Variants in VWA8 observed in about 807,000 individuals in gnomAD.
VWA8 encodes von Willebrand factor A domain containing 8, also known as von Willebrand factor A domain-containing protein 8.
A neutral mutation model predicts 241.5 loss-of-function variants in VWA8; 221 were observed. That is an observed-to-expected ratio of 0.91 (90% CI 0.82 to 1.02). VWA8 has a LOEUF of 1.02. Ranked by LOEUF, VWA8 falls within the 50% of genes least tolerant of loss-of-function variation. The probability of loss-of-function intolerance (pLI) is 0.00; values close to 1 mark genes in which losing one functional copy is unlikely to be tolerated. For missense variants in VWA8, 2,322 were observed against 2,328.7 expected (o/e 1.00, Z 0.06); for synonymous variants, 852 against 827.1 (o/e 1.03, Z -0.52).
chr13:41,613,943 GGA>G (rs2044605485), intron 38 of VWA8, among the ~76,000 whole-genome samples: 1 of 152,172 alleles, frequency 6.6e-6, no homozygotes, highest in Non-Finnish European at 1.5e-5. Flanking sequence ...GCCTCAATCT[GGA>G]CAGATACGTG....
intron 25 of VWA8, 26 bp downstream of exon 25, chr13:41,721,344 T>C (rs371563217): frequency 1.2e-6 from 2 of 1,608,888 alleles, no homozygotes; most frequent in South Asian, 2.2e-5. Context: ...TGATGGCTCT[T>C]AGGTACAGGT....
In VWA8 at chr13:41,784,729, T is replaced by TATATACAC. The variant is rs772522331; in HGVS notation, c.2171-829_2171-828insGTGTATAT. 4.7e-4 allele frequency among the ~76,000 whole-genome samples: 28 copies of TATATACAC among 60,098 alleles called. 2 individuals are homozygous for TATATACAC. Among genetic ancestry groups the TATATACAC allele is most frequent in the Non-Finnish European group, 9.0e-4 (25 of 27,668 alleles). 39.4% of individuals were successfully genotyped at this position (60,098 alleles called of 152,430 possible). On this transcript the variant is annotated intron_variant, in intron 18 of 44. Transcript: ENST00000379310. ...ATATATATATATATATATATATATA[T>TATATACAC]ACACACACATATATATATATATATA...
chr13:41,918,726 G>C (rs551094924), intron 2 of VWA8, among the ~76,000 whole-genome samples: 1 of 152,032 alleles, frequency 6.6e-6, no homozygotes, highest in African/African-American at 2.4e-5. Context: ...ACATACAAAA[G>C]TATGGTCTGC....
intron 2 of VWA8, among the ~76,000 whole-genome samples, chr13:41,933,040 AAGT>A (rs1877195329): frequency 1.3e-5 from 2 of 152,106 alleles, no homozygotes; most frequent in Admixed American, 6.5e-5. Flanking sequence ...GGAAAGGAAA[AAGT>A]AGAGCTGTCT....
chr13:41,662,912 C>T (rs899289953), intron 37 of VWA8, among the ~76,000 whole-genome samples: 1 of 151,832 alleles, frequency 6.6e-6, no homozygotes, highest in South Asian at 2.1e-4. Flanking sequence ...TCCTTCTATT[C>T]CTAGTTTCCT....
rs1297634814 is a variant in VWA8 at position 41,585,874 on chromosome 13, A to AAAAAAG, written c.5271+1632_5271+1637dup. Among the ~76,000 whole-genome samples the AAAAAAG allele has an allele frequency of 1.5e-4, 22 of 151,350 alleles. No homozygotes were observed. In the East Asian group the frequency reaches 2.7e-3, roughly 19 times the overall value. ...GTGAGACACCGTCTTAAAAAAAAAA[A>AAAAAAG]AAAAAGAAAAAGAAAAAGAAAAAAA... On this transcript the variant is annotated intron_variant, in intron 42 of 44. Transcript: ENST00000379310.
intron 29 of VWA8, among the ~76,000 whole-genome samples, chr13:41,698,550 C>T (rs1337354913): frequency 2.0e-5 from 3 of 152,150 alleles, no homozygotes; most frequent in African/African-American, 7.2e-5. Flanking sequence ...ACTGTATTCC[C>T]TTTGGTGTAT....
chr13:41,692,674 T>C (rs1007280510), intron 30 of VWA8, among the ~76,000 whole-genome samples, 188 bp downstream of exon 30: 2 of 152,146 alleles, frequency 1.3e-5, no homozygotes, highest in Non-Finnish European at 2.9e-5. Flanking sequence ...AAAGAATTTA[T>C]TGATATTTAA....
At chr13:41,900,730 A>G (rs2138097707) in intron 4 of VWA8, among the ~76,000 whole-genome samples, 1 of 152,322 alleles carries the variant, frequency 6.6e-6, no homozygotes. Context: ...TAAAATATAA[A>G]CTATTATTAA....
chr13:41,894,427 T>G (rs920338428), intron 4 of VWA8, among the ~76,000 whole-genome samples: 1 of 152,242 alleles, frequency 6.6e-6, no homozygotes, highest in Non-Finnish European at 1.5e-5. Context: ...AATGATCTCT[T>G]GAAAATCTGG....
At chr13:41,759,604 A>G (rs1248138760) in intron 21 of VWA8, among the ~76,000 whole-genome samples, 4 of 151,604 alleles carry the variant, frequency 2.6e-5, no homozygotes, top group African/African-American at 9.7e-5. Context: ...AGAATTTCCA[A>G]TTATTCCGTC....
Position 41,719,756 on chromosome 13 carries a change from A to G in VWA8, c.2965-14T>C, listed in dbSNP as rs1206773295. 1 of 1,603,260 alleles carries G rather than the reference A, an allele frequency of 6.2e-7. No individual in the cohort carries two copies. Among genetic ancestry groups the G allele is most frequent in the Non-Finnish European group, 8.5e-7 (1 of 1,174,796 alleles). ...AGTCGGAAATTTCTGTATTAAAAAA[A>G]AATTCCCTTATTATGCATGTGATAA... On this transcript the variant is annotated splice_polypyrimidine_tract_variant and intron_variant, in intron 25 of 44. Coordinates refer to ENST00000379310, the MANE Select transcript of VWA8 (RefSeq NM_015058.2).
At chr13:41,912,194 G>C (rs576809538) in intron 2 of VWA8, 26 bp from the exon 3 acceptor site, 17 of 1,558,196 alleles carry the variant, frequency 1.1e-5, no homozygotes, top group Middle Eastern at 1.7e-4. Flanking sequence ...AGAAAATGAA[G>C]TGCAAATTTA....
At chr13:41,926,727 A>C in intron 2 of VWA8, 1 of 537,800 alleles carries the variant, frequency 1.9e-6, no homozygotes, top group Admixed American at 1.9e-5. Flanking sequence ...GGCCAGGCCT[A>C]TGATACTGAC....
chr13:41,741,320 C>T (rs2045567772), intron 21 of VWA8, among the ~76,000 whole-genome samples: 1 of 152,156 alleles, frequency 6.6e-6, no homozygotes, highest in Non-Finnish European at 1.5e-5. Context: ...ATTATAAATT[C>T]CTTACACACC....
At chr13:41,886,363 A>T (rs1566494660) in intron 7 of VWA8, among the ~76,000 whole-genome samples, 1 of 151,960 alleles carries the variant, frequency 6.6e-6, no homozygotes, top group Non-Finnish European at 1.5e-5. Flanking sequence ...AAACTCTCAC[A>T]TTCCATGCTT....
chr13:41,721,718 G>T (rs1012196631), intron 24 of VWA8, 143 bp from the exon 25 acceptor site: 1 of 763,364 alleles, frequency 1.3e-6, no homozygotes, highest in African/African-American at 1.8e-5. Flanking sequence ...GTACAGAGAA[G>T]AAAGCAAAAG....
chr13:41,668,910 C>T (rs2045004235), intron 37 of VWA8, among the ~76,000 whole-genome samples: 2 of 152,132 alleles, frequency 1.3e-5, no homozygotes, highest in Admixed American at 6.5e-5. Flanking sequence ...AACTATCATT[C>T]AATTCTGAAT....
At chr13:41,704,463 CT>C (rs953332904) in intron 26 of VWA8, among the ~76,000 whole-genome samples, 10 of 9,204 alleles carry the variant, frequency 1.1e-3, no homozygotes, top group South Asian at 0.011. Context: ...TAAGTCTTCA[CT>C]TTTTTTTTTT....
Sources: allele counts gnomAD v4.1 joint callset (sites outside exome capture counted in the v4.1 genomes callset), GRCh38; gene constraint gnomAD v4.1.1; transcripts MANE v1.5; gene names NCBI Gene and HGNC (gene_info 2026-07-23, HGNC 2026-07-21).